Variants in HS6ST2 observed in about 807,000 individuals in gnomAD.
The protein encoded by HS6ST2 is heparan-sulfate 6-O-sulfotransferase 2.
In HS6ST2, 17 loss-of-function variants were observed where a neutral mutation model predicts 33.0. The observed-to-expected ratio is 0.52, with a 90% CI of 0.35 to 0.77. HS6ST2 has a LOEUF of 0.77. HS6ST2 is among the 30% of genes least tolerant of loss of function. HS6ST2 has a pLI of 0.01. For synonymous variants in HS6ST2, 248 were observed against 237.1 expected (o/e 1.05, Z -0.42); for missense variants, 519 against 551.7 (o/e 0.94, Z 0.59).
intron 2 of HS6ST2, among the ~76,000 whole-genome samples, chrX:132,938,092 G>T (rs1385061819): frequency 9.4e-6 from 1 of 106,583 alleles, no homozygotes; most frequent in Non-Finnish European, 1.9e-5. Flanking sequence ...AGCCCAGGAA[G>T]TTGAAGCTTC....
In HS6ST2 at chrX:132,823,155, T is replaced by C. The variant is rs758715346; in HGVS notation, c.948-114661A>G. On this transcript the variant is annotated intron_variant, in intron 2 of 4. Coordinates refer to ENST00000370833, the MANE Select transcript of HS6ST2 (RefSeq NM_001394073.1). ...GTCTTTTAAGTCTCCAAGAGGAAGA[T>C]ATGGAATGGCTTGCCTATGGAGTCC... 2.7e-5 allele frequency among the ~76,000 whole-genome samples: 3 copies of C among 112,621 alleles called. No homozygotes were observed. The South Asian group carries it at 1.1e-3, about 42-fold the overall frequency.
chrX:132,787,188 C>CACACATATATATATAT (rs2065073627), intron 2 of HS6ST2, among the ~76,000 whole-genome samples: 1 of 69,904 alleles, frequency 1.4e-5, no homozygotes, highest in Non-Finnish European at 2.5e-5. Flanking sequence ...TATATATATA[C>CACACATATATATATAT]ATATATATAT....
intron 3 of HS6ST2, among the ~76,000 whole-genome samples, chrX:132,679,910 TA>T (rs1263094198): frequency 1.8e-5 from 2 of 109,901 alleles, no homozygotes; most frequent in Non-Finnish European, 3.8e-5. Flanking sequence ...GGTCAGAGTT[TA>T]AGGTTATCTC....
rs763535933 is a variant in HS6ST2, at chrX:132,787,198, T to TACAC, written c.948-78708_948-78705dup. 3.1e-4 allele frequency among the ~76,000 whole-genome samples: 25 copies of TACAC among 80,067 alleles called. 1 individual carries two copies. The highest frequency in any genetic ancestry group is 1.3e-3 in the African/African-American group (24 of 17,793). The allele number at this position is 80,067 out of a possible 115,157, so 69.5% of individuals were successfully genotyped here. A position where few individuals can be genotyped will look rare whatever the true frequency, so the allele number is the denominator to read the frequency against. ...ATATATATATATATACATATATATA[T>TACAC]ACACATATATATATACACATATATA... On this transcript the variant is annotated intron_variant, in intron 2 of 4. Coordinates refer to ENST00000370833, the MANE Select transcript of HS6ST2 (RefSeq NM_001394073.1).
intron 2 of HS6ST2, among the ~76,000 whole-genome samples, chrX:132,814,666 C>T (rs1355823138): frequency 9.0e-6 from 1 of 111,253 alleles, no homozygotes; most frequent in Non-Finnish European, 1.9e-5. Flanking sequence ...TGAGCCACTG[C>T]GCCCAACCTC....
chrX:132,958,144 A>G (rs58930824), intron 1 of HS6ST2, 31 bp downstream of exon 1: 1 of 1,093,865 alleles, frequency 9.1e-7, no homozygotes, highest in East Asian at 3.2e-5. Context: ...CTGGCCTGGG[A>G]GCGCGAACCC....
rs771059119 is a variant in HS6ST2, at chrX:132,626,469, A to G, written c.*1754T>C. ...TCCTTTCAGTTTTTTAGCTCTCAGG[A>G]TTTTCAAGACTGCAATACTGTCAGA... On this transcript the variant is annotated 3_prime_UTR_variant, in exon 5 of 5. Transcript: ENST00000370833. 1 of 112,391 alleles carries G rather than the reference A, an allele frequency of 8.9e-6. No individual in the cohort carries two copies. Among genetic ancestry groups the G allele is most frequent in the African/African-American group, 3.2e-5 (1 of 30,994 alleles). 9.3% of individuals were successfully genotyped at this position (112,391 alleles called of 1,213,427 possible).
At chrX:132,852,141 T>TA (rs1028762004) in intron 2 of HS6ST2, among the ~76,000 whole-genome samples, 8 of 110,778 alleles carry the variant, frequency 7.2e-5, no homozygotes, top group African/African-American at 1.3e-4. Context: ...CCCTGTCTCT[T>TA]AAAAAAAAGA....
At chrX:132,701,335 C>T (rs191974160) in intron 3 of HS6ST2, among the ~76,000 whole-genome samples, 46 of 112,202 alleles carry the variant, frequency 4.1e-4, no homozygotes, top group Middle Eastern at 4.6e-3. Flanking sequence ...ATCAGAGTTG[C>T]ATTTCTAGGA....
chrX:132,719,974 A>G (rs2064314039), intron 2 of HS6ST2, among the ~76,000 whole-genome samples: 1 of 112,255 alleles, frequency 8.9e-6, no homozygotes, highest in Non-Finnish European at 1.9e-5. Context: ...GTGACATCCA[A>G]GCTACTCTCT....
At chrX:132,685,086 C>G (rs1220595087) in intron 3 of HS6ST2, among the ~76,000 whole-genome samples, 1 of 111,791 alleles carries the variant, frequency 8.9e-6, no homozygotes. Flanking sequence ...GCATATTCAC[C>G]TGTAATCAAA....
chrX:132,878,394 T>C (rs1173329977), intron 2 of HS6ST2, among the ~76,000 whole-genome samples: 1 of 112,153 alleles, frequency 8.9e-6, no homozygotes, highest in African/African-American at 3.2e-5. Flanking sequence ...TTCCCTTATC[T>C]GCACAAAACA....
chrX:132,818,429 C>T (rs907348686), intron 2 of HS6ST2, among the ~76,000 whole-genome samples: 7 of 111,170 alleles, frequency 6.3e-5, no homozygotes, highest in Admixed American at 5.8e-4. Flanking sequence ...ACCAGATAAA[C>T]ACTGCAAAAC....
intron 4 of HS6ST2, among the ~76,000 whole-genome samples, chrX:132,642,737 A>C (rs2063610484): frequency 8.9e-6 from 1 of 112,408 alleles, no homozygotes; most frequent in African/African-American, 3.2e-5. Flanking sequence ...AAGGAATGTG[A>C]TGTCACACTG....
intron 2 of HS6ST2, among the ~76,000 whole-genome samples, chrX:132,847,428 G>A (rs2065761999): frequency 1.8e-5 from 2 of 111,179 alleles, no homozygotes; most frequent in African/African-American, 6.5e-5. Flanking sequence ...GGGACGTTGT[G>A]GGGGATGACA....
chrX:132,844,006 G>A (rs1438061293), intron 2 of HS6ST2, among the ~76,000 whole-genome samples: 3 of 112,001 alleles, frequency 2.7e-5, no homozygotes, highest in African/African-American at 9.7e-5. Flanking sequence ...TCCACTCAAT[G>A]TGGGGAATAA....
intron 4 of HS6ST2, among the ~76,000 whole-genome samples, chrX:132,660,706 T>G (rs1385430997): frequency 8.9e-6 from 1 of 111,750 alleles, no homozygotes; most frequent in Non-Finnish European, 1.9e-5. Flanking sequence ...CTTCCATTGT[T>G]CAACTATCTC....
intron 3 of HS6ST2, among the ~76,000 whole-genome samples, chrX:132,698,160 T>A (rs1434765941): frequency 1.8e-5 from 2 of 111,726 alleles, no homozygotes; most frequent in Non-Finnish European, 3.8e-5. Flanking sequence ...ATTGATTGTA[T>A]CTCATCGAAG....
chrX:132,961,309 G>T (rs1166948200), upstream of HS6ST2: 2 of 110,990 alleles, frequency 1.8e-5, no homozygotes, highest in Non-Finnish European at 3.8e-5. Flanking sequence ...GGTGTGGTAT[G>T]ATTTTCATTA....
Sources: allele counts gnomAD v4.1 joint callset (sites outside exome capture counted in the v4.1 genomes callset), GRCh38; gene constraint gnomAD v4.1.1; transcripts MANE v1.5; gene names NCBI Gene and HGNC (gene_info 2026-07-23, HGNC 2026-07-21).